Variants in RBBP9 observed in about 807,000 individuals in gnomAD.
The protein encoded by RBBP9 is RB binding protein 9, serine hydrolase.
A neutral mutation model predicts 24.2 loss-of-function variants in RBBP9; 20 were observed. The ratio of observed to expected loss-of-function variants is 0.83; its 90% CI spans 0.58 to 1.20. The LOEUF (loss-of-function observed/expected upper bound fraction) is 1.20. Ranked by LOEUF, RBBP9 falls within the 50% of genes most tolerant of loss-of-function variation. The pLI is 0.00. For synonymous variants in RBBP9, 74 were observed against 84.6 expected, an observed-to-expected ratio of 0.87 and a Z score of 0.69; for missense variants, 234 against 233.6, an observed-to-expected ratio of 1.00 and a Z score of -0.01.
In RBBP9 at chr20:18,494,278, T is replaced by TTC. The variant is rs1244379001; in HGVS notation, c.143-217_143-216dup. 9.5e-5 allele frequency among the ~76,000 whole-genome samples: 10 copies of TTC among 105,148 alleles called. No individual in the cohort carries two copies. In the South Asian group the frequency reaches 1.3e-3, roughly 14 times the overall value. The allele number at this position is 105,148 out of a possible 152,430, so 69.0% of individuals were successfully genotyped here. The stretch of plus-strand genomic sequence containing the variant: ...ACAGTTTTGGTAACTAGTTTTTCTT[T>TTC]TCTCTTTTTTTTTTTTTTTTTTGGT... On this transcript the variant is annotated intron_variant, in intron 2 of 4. Transcript: ENST00000337227.
At position 18,487,088 on chromosome 20, in the gene RBBP9, T is replaced by C. The variant is rs1364251304; in HGVS notation, c.*2676A>G. On this transcript the variant is annotated 3_prime_UTR_variant, in exon 5 of 5. Coordinates refer to ENST00000337227, the MANE Select transcript of RBBP9 (RefSeq NM_006606.3). ...AAATATATGTCCTAGACCAATGTTG[T>C]CCAATAGAGCTTTCTATAATGACGG... The C allele has an allele frequency of 6.6e-6, 1 of 152,330 alleles. No homozygotes were observed. The highest frequency in any genetic ancestry group is 1.5e-5 in the Non-Finnish European group (1 of 68,032). 9.4% of individuals were successfully genotyped at this position (152,330 alleles called of 1,614,324 possible).
intron 3 of RBBP9, among the ~76,000 whole-genome samples, chr20:18,492,658 T>G (rs991902644): frequency 2.2e-4 from 33 of 152,246 alleles, no homozygotes; most frequent in Non-Finnish European, 1.3e-4. Context: ...TAGAGTCATC[T>G]GTAGGGTAGT....
intron 2 of RBBP9, among the ~76,000 whole-genome samples, chr20:18,494,533 T>C (rs887721208): frequency 6.6e-6 from 1 of 151,858 alleles, no homozygotes; most frequent in African/African-American, 2.4e-5. Flanking sequence ...CAAAAAAAAT[T>C]AGCCAGGCGT....
At position 18,487,310 on chromosome 20, in the gene RBBP9, A is replaced by C. The variant is rs1447264684; in HGVS notation, c.*2454T>G. 1 of 152,260 alleles carries C rather than the reference A, an allele frequency of 6.6e-6. No individual in the cohort carries two copies. The highest frequency in any genetic ancestry group is 1.5e-5 in the Non-Finnish European group (1 of 68,048). 9.4% of individuals were successfully genotyped at this position (152,260 alleles called of 1,614,324 possible). A position where few individuals can be genotyped will look rare whatever the true frequency, so the allele number is the denominator to read the frequency against. ...TACTTTTATAGGAATGAAGAGTATC[A>C]GAATTATTTCTCAATTATATATATT... On this transcript the variant is annotated 3_prime_UTR_variant, in exon 5 of 5. Transcript: ENST00000337227.
intron 3 of RBBP9, among the ~76,000 whole-genome samples, chr20:18,492,118 A>AAAG (rs2059868402): frequency 6.6e-6 from 1 of 151,158 alleles, no homozygotes; most frequent in Non-Finnish European, 1.5e-5. Flanking sequence ...AAAAAAAAAA[A>AAAG]AGAACAAGCA....
rs2059848979 is a variant in RBBP9 at position 18,487,665 on chromosome 20, T to C, written c.*2099A>G. ...AAATAATCAGGAGGATAAAGTAAAA[T>C]AAGGGGCCGGGCATGGTGGCTCATG... On this transcript the variant is annotated 3_prime_UTR_variant, in exon 5 of 5. Coordinates refer to ENST00000337227, the MANE Select transcript of RBBP9 (RefSeq NM_006606.3). The C allele has an allele frequency of 6.6e-6, 1 of 152,156 alleles. No individual in the cohort carries two copies. Among genetic ancestry groups the C allele is most frequent in the South Asian group, 2.1e-4 (1 of 4,824 alleles). 9.4% of individuals were successfully genotyped at this position (152,156 alleles called of 1,614,324 possible). A position where few individuals can be genotyped will look rare whatever the true frequency, so the allele number is the denominator to read the frequency against.
chr20:18,491,756 T>C (rs140131744), intron 3 of RBBP9, among the ~76,000 whole-genome samples: 16 of 152,262 alleles, frequency 1.1e-4, no homozygotes, highest in African/African-American at 3.4e-4. Flanking sequence ...CTGAACTTTT[T>C]TCCCCATTTA....
intron 1 of RBBP9, 152 bp downstream of exon 1, chr20:18,496,917 G>C (rs2059888636): frequency 1.5e-6 from 1 of 647,624 alleles, no homozygotes; most frequent in Non-Finnish European, 2.7e-6. Flanking sequence ...CACTAGCTCA[G>C]ACTTTAAGAG....
At chr20:18,493,683 T>A (rs2059873502) in intron 3 of RBBP9, among the ~76,000 whole-genome samples, 1 of 150,110 alleles carries the variant, frequency 6.7e-6, no homozygotes, top group Non-Finnish European at 1.5e-5. Flanking sequence ...AGAAGGAGAG[T>A]CTGTAGAGAC....
Position 18,489,543 on chromosome 20 carries a change from A to G in RBBP9, c.*221T>C. Reference sequence around the variant, plus strand: ...TTAAGCTGTCCTTATGTTTCTTATCAAATGAGGAAAATACTGTGGTAGTTC... The same window carrying G: ...TTAAGCTGTCCTTATGTTTCTTATCGAATGAGGAAAATACTGTGGTAGTTC... On this transcript the variant is annotated 3_prime_UTR_variant, in exon 5 of 5. Transcript: ENST00000337227. 2.1e-6 allele frequency: 1 copy of G among 469,450 alleles called. No homozygotes were observed. The highest frequency in any genetic ancestry group is 3.8e-6 in the Non-Finnish European group (1 of 263,440). 29.1% of individuals were successfully genotyped at this position (469,450 alleles called of 1,614,324 possible). A position where few individuals can be genotyped will look rare whatever the true frequency, so the allele number is the denominator to read the frequency against.
intron 4 of RBBP9, 90 bp from the exon 5 acceptor site, chr20:18,490,080 C>G: frequency 2.2e-6 from 2 of 896,442 alleles, no homozygotes; most frequent in South Asian, 3.6e-5. Flanking sequence ...CACATAGAGA[C>G]GCAAAGGAGC....
chr20:18,493,952 TC>T lies in RBBP9; in HGVS notation c.248+5del, dbSNP rs748752406. On this transcript the variant is annotated splice_donor_5th_base_variant and intron_variant, in intron 3 of 4. Coordinates refer to ENST00000337227, the MANE Select transcript of RBBP9 (RefSeq NM_006606.3). ...AAAGGGGATAGCAGTTTAACAAAGA[TC>T]GCACCTCATGGCCGCGATGGCCCCA... The T allele has an allele frequency of 1.2e-5, 19 of 1,600,098 alleles. No homozygotes were observed. Among genetic ancestry groups the T allele is most frequent in the Non-Finnish European group, 1.6e-5 (19 of 1,173,820 alleles).
At chr20:18,492,197 T>C (rs559225762) in intron 3 of RBBP9, among the ~76,000 whole-genome samples, 1 of 151,896 alleles carries the variant, frequency 6.6e-6, no homozygotes, top group Admixed American at 6.6e-5. Flanking sequence ...AGCCACTCCC[T>C]TAACCATGGT....
rs1320631313 is a variant in RBBP9, at chr20:18,488,750, G to A, written c.*1014C>T. 6.6e-6 allele frequency: 1 copy of A among 152,184 alleles called. No homozygotes were observed. The highest frequency in any genetic ancestry group is 1.5e-5 in the Non-Finnish European group (1 of 68,032). The allele number at this position is 152,184 out of a possible 1,614,324, so 9.4% of individuals were successfully genotyped here. On this transcript the variant is annotated 3_prime_UTR_variant, in exon 5 of 5. Coordinates refer to ENST00000337227, the MANE Select transcript of RBBP9 (RefSeq NM_006606.3). ...AATTGTCCCCATGATTTCGTCCTTT[G>A]ACATTATGTTCATCTTGGTTATCTT...
At position 18,489,812 on chromosome 20, in the gene RBBP9, A is replaced by G; in HGVS notation, c.513T>C (p.Phe171=). Residue 171 remains phenylalanine, a synonymous_variant, in exon 5 of 5, where the codon TTT becomes TTC. Coordinates refer to ENST00000337227, the MANE Select transcript of RBBP9 (RefSeq NM_006606.3). ...TDCGHFQNTE[F]HELITVVKSL... ...ACTTTACAACAGTAATCAGTTCATG[A>G]AACTCTGTGTTCTGAAAGTGGCCAC... The G allele has an allele frequency of 1.9e-6, 3 of 1,613,988 alleles. No homozygotes were observed. The highest frequency in any genetic ancestry group is 8.5e-7 in the Non-Finnish European group (1 of 1,179,840).
intron 3 of RBBP9, among the ~76,000 whole-genome samples, chr20:18,493,156 T>C (rs1287685926): frequency 2.0e-5 from 3 of 151,920 alleles, no homozygotes; most frequent in Admixed American, 6.6e-5. Context: ...ACTTAGCTTA[T>C]TCAGCCAGCT....
Position 18,496,990 on chromosome 20 carries a change from T to A in RBBP9, c.99+79A>T, listed in dbSNP as rs907082335. On this transcript the variant is annotated intron_variant, in intron 1 of 4. Transcript: ENST00000337227. ...TTGCTAGAGGGGATTAGACGCCTAT[T>A]CAAACTTCAGCCCTCAGTCCTCTCC... The A allele has an allele frequency of 7.4e-5, 90 of 1,213,148 alleles. 1 individual carries two copies. The Middle Eastern group carries it at 9.4e-4, about 13-fold the overall frequency. The allele number at this position is 1,213,148 out of a possible 1,614,324, so 75.1% of individuals were successfully genotyped here. A position where few individuals can be genotyped will look rare whatever the true frequency, so the allele number is the denominator to read the frequency against.
At position 18,487,347 on chromosome 20, in the gene RBBP9, TC is replaced by T. The variant is rs1224674224; in HGVS notation, c.*2416del. 6.6e-6 allele frequency: 1 copy of T among 152,210 alleles called. No homozygotes were observed. Among genetic ancestry groups the T allele is most frequent in the Non-Finnish European group, 1.5e-5 (1 of 68,040 alleles). The allele number at this position is 152,210 out of a possible 1,614,324, so 9.4% of individuals were successfully genotyped here. A position where few individuals can be genotyped will look rare whatever the true frequency, so the allele number is the denominator to read the frequency against. On this transcript the variant is annotated 3_prime_UTR_variant, in exon 5 of 5. Transcript: ENST00000337227. Reference sequence around the variant, plus strand: ...CAATTATATATATTTAGTTTTCATTTCTACAGAGAAAGAGGTCAACAAAGTT... The same window carrying T: ...CAATTATATATATTTAGTTTTCATTTTACAGAGAAAGAGGTCAACAAAGTT...
chr20:18,493,132 C>T (rs974956777), intron 3 of RBBP9, among the ~76,000 whole-genome samples: 3 of 151,450 alleles, frequency 2.0e-5, no homozygotes, highest in Non-Finnish European at 3.0e-5. Context: ...AGAAACTCAA[C>T]CCTTATAGGC....
Sources: gnomAD v4.1 joint callset for allele counts (sites outside exome capture counted in the v4.1 genomes callset) on GRCh38, gnomAD v4.1.1 for gene constraint, MANE v1.5 for transcripts, NCBI Gene and HGNC (gene_info 2026-07-23, HGNC 2026-07-21) for gene names.